FYN: variants seen among roughly 807,000 people sequenced by gnomAD.
FYN encodes tyrosine-protein kinase Fyn.
FYN carries 10 observed loss-of-function variants against 70.2 expected under a neutral mutation model. The ratio of observed to expected loss-of-function variants is 0.14; its 90% confidence interval spans 0.09 to 0.24. The LOEUF (loss-of-function observed/expected upper bound fraction) is 0.24. FYN is among the 10% of genes least tolerant of loss of function. The probability of loss-of-function intolerance (pLI) is 1.00; values close to 1 mark genes in which losing one functional copy is unlikely to be tolerated. For synonymous variants in FYN, 236 were observed against 248.6 expected (o/e 0.95, Z 0.48); for missense variants, 319 against 673.1 (o/e 0.47, Z 5.82).
intron 7 of FYN, 44 bp downstream of exon 7, chr6:111,703,953 CCA>C: frequency 7.0e-7 from 1 of 1,436,230 alleles, no homozygotes; most frequent in Non-Finnish European, 9.8e-7. Flanking sequence ...TCTGACTAAT[CCA>C]CAGATTTGAA....
intron 1 of FYN, among the ~76,000 whole-genome samples, chr6:111,869,608 G>T (rs1409425249): frequency 6.6e-6 from 1 of 152,154 alleles, no homozygotes; most frequent in Non-Finnish European, 1.5e-5. Flanking sequence ...TGCCCAGGCT[G>T]ATAACAAACT....
At chr6:111,845,897 A>T (rs1473659933) in intron 2 of FYN, among the ~76,000 whole-genome samples, 2 of 152,146 alleles carry the variant, frequency 1.3e-5, no homozygotes, top group Non-Finnish European at 2.9e-5. Context: ...TCAGAGAAAG[A>T]ATGCATTCAC....
intron 2 of FYN, among the ~76,000 whole-genome samples, chr6:111,825,810 AG>A (rs960240239): frequency 6.6e-6 from 1 of 152,076 alleles, no homozygotes; most frequent in Non-Finnish European, 1.5e-5. Flanking sequence ...GGAAAGCTGG[AG>A]GGAAAAAGAG....
chr6:111,837,118 G>A (rs946393320), intron 2 of FYN, among the ~76,000 whole-genome samples: 13 of 152,236 alleles, frequency 8.5e-5, no homozygotes, highest in African/African-American at 2.6e-4. Context: ...CCTCACTGCG[G>A]TCACCATAAC....
At chr6:111,765,346 G>A (rs1803188608) in intron 3 of FYN, among the ~76,000 whole-genome samples, 1 of 152,144 alleles carries the variant, frequency 6.6e-6, no homozygotes, top group African/African-American at 2.4e-5. Context: ...AATAGGGCTG[G>A]TCTTCTTATA....
intron 1 of FYN, among the ~76,000 whole-genome samples, chr6:111,865,908 T>A (rs1449506536): frequency 6.6e-6 from 1 of 152,252 alleles, no homozygotes; most frequent in Admixed American, 6.5e-5. Context: ...AGGTGCTGCA[T>A]TTCTTACTAA....
At chr6:111,851,589 G>A (rs921412859) in intron 1 of FYN, among the ~76,000 whole-genome samples, 67 of 152,310 alleles carry the variant, frequency 4.4e-4, no homozygotes, top group African/African-American at 1.6e-3. Flanking sequence ...TCCCTGACCT[G>A]TGAATTACTC....
chr6:111,719,419 C>G (rs1800829795), intron 4 of FYN, among the ~76,000 whole-genome samples: 1 of 152,112 alleles, frequency 6.6e-6, no homozygotes, highest in Admixed American at 6.5e-5. Context: ...AGACCCAGTC[C>G]TGGAGCCTCT....
chr6:111,707,775 G>T (rs1328821767), intron 6 of FYN, 147 bp downstream of exon 6: 2 of 626,716 alleles, frequency 3.2e-6, no homozygotes, highest in African/African-American at 1.8e-5. Flanking sequence ...TATTACACAG[G>T]GTAAAAACCG....
At chr6:111,872,091 G>A (rs1774290055) in intron 1 of FYN, among the ~76,000 whole-genome samples, 1 of 152,100 alleles carries the variant, frequency 6.6e-6, no homozygotes, top group Non-Finnish European at 1.5e-5. Context: ...CACACACCCG[G>A]CGAGTCTGTG....
chr6:111,720,604 A>G (rs1247458762), intron 3 of FYN, among the ~76,000 whole-genome samples: 2 of 152,216 alleles, frequency 1.3e-5, no homozygotes, highest in Admixed American at 1.3e-4. Flanking sequence ...GTCAATTTTA[A>G]GCACTAAGAT....
chr6:111,670,631 T>C (rs74884421), intron 13 of FYN, among the ~76,000 whole-genome samples: 1,877 of 143,968 alleles, frequency 0.013, 31 homozygotes, highest in African/African-American at 0.052. Context: ...TATGAAGAAC[T>C]ATGTAGAATT....
At chr6:111,703,941 C>T (rs772968949) in intron 7 of FYN, 58 bp downstream of exon 7, 1 of 1,327,186 alleles carries the variant, frequency 7.5e-7, no homozygotes, top group Non-Finnish European at 1.1e-6. Flanking sequence ...CCTTTCATCC[C>T]CTCTGACTAA....
intron 6 of FYN, among the ~76,000 whole-genome samples, chr6:111,706,311 T>A (rs1485062290): frequency 6.6e-6 from 1 of 152,230 alleles, no homozygotes; most frequent in East Asian, 1.9e-4. Flanking sequence ...AATATTTAAC[T>A]GTGAAAGAAT....
At chr6:111,836,389 T>G (rs577799489) in intron 2 of FYN, among the ~76,000 whole-genome samples, 2 of 152,220 alleles carry the variant, frequency 1.3e-5, no homozygotes, top group African/African-American at 2.4e-5. Flanking sequence ...CAAATAGGCC[T>G]CAGATATTAA....
intron 13 of FYN, among the ~76,000 whole-genome samples, chr6:111,663,742 T>C (rs1189660940): frequency 6.6e-6 from 1 of 152,186 alleles, no homozygotes; most frequent in Non-Finnish European, 1.5e-5. Flanking sequence ...TGCATGCCTT[T>C]ACCAGCGACT....
intron 2 of FYN, among the ~76,000 whole-genome samples, chr6:111,807,876 G>A (rs552486167): frequency 1.1e-4 from 16 of 152,242 alleles, no homozygotes; most frequent in African/African-American, 2.6e-4. Flanking sequence ...TTGGGAGGCC[G>A]AGGTGGGCAA....
chr6:111,816,322 A>G (rs970076230), intron 2 of FYN, among the ~76,000 whole-genome samples: 2 of 152,198 alleles, frequency 1.3e-5, no homozygotes, highest in African/African-American at 4.8e-5. Flanking sequence ...TAACAACTAG[A>G]GCAAAAGCTC....
At chr6:111,723,673 T>C (rs142033268) in intron 3 of FYN, among the ~76,000 whole-genome samples, 1 of 152,360 alleles carries the variant, frequency 6.6e-6, no homozygotes, top group Non-Finnish European at 1.5e-5. Flanking sequence ...AGACGCTACA[T>C]GAGCTGTATT....
Sources: gnomAD v4.1 joint callset for allele counts (sites outside exome capture counted in the v4.1 genomes callset) on GRCh38, gnomAD v4.1.1 for gene constraint, MANE v1.5 for transcripts, NCBI Gene and HGNC (gene_info 2026-07-23, HGNC 2026-07-21) for gene names.